Variants in DHX58 observed in about 807,000 individuals in gnomAD.
DHX58 encodes ATP-dependent RNA helicase DHX58.
DHX58 carries 51 observed loss-of-function variants against 65.0 expected under a neutral mutation model. The observed-to-expected ratio is 0.78, with a 90% CI of 0.63 to 0.99. DHX58 has a LOEUF of 0.99. Among genes scored for constraint, DHX58 ranks in the 50% least tolerant of loss-of-function variants. The pLI is 0.00. For synonymous variants in DHX58, 350 were observed against 365.0 expected (o/e 0.96, Z 0.47); for missense variants, 773 against 891.8 (o/e 0.87, Z 1.70).
rs2053980836 is a variant in DHX58, at chr17:42,101,758, T to C, written c.*3A>G. Reference sequence around the variant, plus strand: ...CAAACCGGGCACTGCAGCAATGAGGTGGTCAGTCCAGGGAGAGGTCCGACA... The same window carrying C: ...CAAACCGGGCACTGCAGCAATGAGGCGGTCAGTCCAGGGAGAGGTCCGACA... On this transcript the variant is annotated 3_prime_UTR_variant, in exon 14 of 14. Transcript: ENST00000251642. 1.2e-6 allele frequency: 2 copies of C among 1,613,458 alleles called. No individual in the cohort carries two copies. The highest frequency in any genetic ancestry group is 2.2e-5 in the South Asian group (2 of 91,062).
In DHX58 at chr17:42,107,779, AAGCCC is replaced by A; in HGVS notation, c.817_821del (p.Gly273SerfsTer15). On this transcript the variant is annotated frameshift_variant, in exon 8 of 14. Transcript: ENST00000251642. LOFTEE classifies it high-confidence loss of function. Reference sequence around the variant, plus strand: ...GAAGCGCATACACCCGTTGCTCCTGAAGCCCAGCCAAAGCCGCTGCGGGAAGAGGG... The same window carrying A: ...GAAGCGCATACACCCGTTGCTCCTGAAGCCAAAGCCGCTGCGGGAAGAGGG... 1 of 1,581,932 alleles carries A rather than the reference AAGCCC, an allele frequency of 6.3e-7. No homozygotes were observed. Among genetic ancestry groups the A allele is most frequent in the Non-Finnish European group, 8.6e-7 (1 of 1,163,138 alleles).
At chr17:42,102,056 TCA>T in intron 13 of DHX58, 110 bp from the exon 14 acceptor site, 1 of 1,448,426 alleles carries the variant, frequency 6.9e-7, no homozygotes, top group Non-Finnish European at 9.4e-7. Context: ...ACCTGAGATG[TCA>T]CAGACTGTGG....
intron 8 of DHX58, among the ~76,000 whole-genome samples, chr17:42,106,256 G>A (rs2054057727): frequency 7.4e-6 from 1 of 135,006 alleles, no homozygotes; most frequent in Non-Finnish European, 1.6e-5. Context: ...AAAAGGAAAA[G>A]AAAGAGAGAG....
At chr17:42,108,177 AC>A (rs1328099559) in intron 6 of DHX58, 69 bp from the exon 7 acceptor site, 2 of 1,607,416 alleles carry the variant, frequency 1.2e-6, no homozygotes, top group African/African-American at 2.7e-5. Flanking sequence ...GGGGGTGCTG[AC>A]CCCGGCGTGT....
At position 42,103,622 on chromosome 17, in the gene DHX58, C is replaced by T; in HGVS notation, c.1740G>A (p.Val580=). Residue 580 remains valine (V), a synonymous_variant, in exon 12 of 14, where the codon GTG becomes GTA. Coordinates refer to ENST00000251642, the MANE Select transcript of DHX58 (RefSeq NM_024119.3). ...RKVEGTHHVN[V]NPNFSNYYNV... ...ACAGGTCTCACGAGAAGTTGGGGTTCACATTGACATGGTGGGTGCCCTCCA... is the reference window on the plus strand; with the variant it reads ...ACAGGTCTCACGAGAAGTTGGGGTTTACATTGACATGGTGGGTGCCCTCCA... 6.2e-7 allele frequency: 1 copy of T among 1,614,076 alleles called. No homozygotes were observed. The highest frequency in any genetic ancestry group is 1.1e-5 in the South Asian group (1 of 91,080).
In DHX58 at chr17:42,108,942, C is replaced by T. The variant is rs550751537; in HGVS notation, c.678+328G>A. On this transcript the variant is annotated intron_variant, in intron 6 of 13. Transcript: ENST00000251642. ...CCTGACACCTAGTCCTTGTCCAGTC[C>T]AGTCATGGCAGACACGAGGCCGTGT... 1.8e-3 allele frequency among the ~76,000 whole-genome samples: 268 copies of T among 152,350 alleles called. 2 individuals are homozygous for T. Among genetic ancestry groups the T allele is most frequent in the African/African-American group, 5.9e-3 (247 of 41,590 alleles).
In DHX58 at chr17:42,105,040, G is replaced by A; in HGVS notation, c.1379C>T (p.Thr460Ile). 2 of 1,613,568 alleles carry A rather than the reference G, an allele frequency of 1.2e-6. No homozygotes were observed. Among genetic ancestry groups the A allele is most frequent in the Non-Finnish European group, 1.7e-6 (2 of 1,179,944 alleles). Residue 460 changes from threonine to isoleucine, a missense_variant, in exon 10 of 14, where the codon ACC becomes ATC. By Grantham distance (89) the Thr-to-Ile change is moderately conservative. Coordinates refer to ENST00000251642, the MANE Select transcript of DHX58 (RefSeq NM_024119.3). ...TACCTGGACCATGGAGATTTCATTG[G>A]TCAAGAGCCCATAACGCACCACCAC... is the stretch of plus-strand genomic sequence containing the variant. ...CNVVVRYGLLTNEISMVQARG... is the reference protein window; with the variant it reads ...CNVVVRYGLLINEISMVQARG...
In DHX58 at chr17:42,109,397, C is replaced by A; in HGVS notation, c.562-11G>T. ...CAAGTTGGCACAGAGCTGGGGGCAA[C>A]AGAGGACTTTACTGGAAAGGGAGGG... On this transcript the variant is annotated splice_polypyrimidine_tract_variant and intron_variant, in intron 5 of 13. Transcript: ENST00000251642. 6.2e-6 allele frequency: 10 copies of A among 1,610,770 alleles called. No individual in the cohort carries two copies. The highest frequency in any genetic ancestry group is 8.5e-6 in the Non-Finnish European group (10 of 1,177,852).
chr17:42,101,714 T>C lies in DHX58; in HGVS notation c.*47A>G. 1.9e-6 allele frequency: 3 copies of C among 1,594,242 alleles called. No individual in the cohort carries two copies. The highest frequency in any genetic ancestry group is 2.6e-6 in the Non-Finnish European group (3 of 1,166,612). On this transcript the variant is annotated 3_prime_UTR_variant, in exon 14 of 14. Coordinates refer to ENST00000251642, the MANE Select transcript of DHX58 (RefSeq NM_024119.3). ...GAGGGGCCTGGAGTCTGCTGCAGAC[T>C]CTCCCGCCCCCTACAGCCCAAACCG...
Position 42,101,496 on chromosome 17 carries a change from G to A in DHX58, c.*265C>T, listed in dbSNP as rs2053977203. 1 of 367,674 alleles carries A rather than the reference G, an allele frequency of 2.7e-6. No homozygotes were observed. Among genetic ancestry groups the A allele is most frequent in the Non-Finnish European group, 4.9e-6 (1 of 204,840 alleles). 22.8% of individuals were successfully genotyped at this position (367,674 alleles called of 1,614,324 possible). ...AAGGAATGTCGTGATTCTGAGTACA[G>A]TATGGCAAATTCTTTTGCCTCAGTT... On this transcript the variant is annotated 3_prime_UTR_variant, in exon 14 of 14. Transcript: ENST00000251642.
rs541648965 is a variant in DHX58, at chr17:42,107,456, T to C, written c.997+148A>G. The stretch of plus-strand genomic sequence containing the variant: ...TGAGGAAATAAATCAGTCCTACCCA[T>C]GGCCTTGGATTTTGGTTAGAAAAAT... On this transcript the variant is annotated intron_variant, in intron 8 of 13. Coordinates refer to ENST00000251642, the MANE Select transcript of DHX58 (RefSeq NM_024119.3). 1.4e-5 allele frequency: 12 copies of C among 861,900 alleles called. No homozygotes were observed. The Admixed American group carries it at 2.4e-4, about 17-fold the overall frequency. 53.4% of individuals were successfully genotyped at this position (861,900 alleles called of 1,614,324 possible).
rs1298192905 is a variant in DHX58 at position 42,111,217 on chromosome 17, G to A, written c.370+79C>T. ...CTCCCACTAAAACTCCCAACACCTTGACTCCAGGAGGTGCCCTGGGGTTGG... is the reference window on the plus strand; with the variant it reads ...CTCCCACTAAAACTCCCAACACCTTAACTCCAGGAGGTGCCCTGGGGTTGG... On this transcript the variant is annotated intron_variant, in intron 4 of 13. Coordinates refer to ENST00000251642, the MANE Select transcript of DHX58 (RefSeq NM_024119.3). The A allele has an allele frequency of 2.6e-6, 4 of 1,527,398 alleles. No homozygotes were observed. The African/African-American group carries it at 5.5e-5, about 21-fold the overall frequency. The allele number at this position is 1,527,398 out of a possible 1,614,324, so 94.6% of individuals were successfully genotyped here. A position where few individuals can be genotyped will look rare whatever the true frequency, so the allele number is the denominator to read the frequency against.
At chr17:42,107,471 G>A in intron 8 of DHX58, 133 bp downstream of exon 8, 2 of 1,071,098 alleles carry the variant, frequency 1.9e-6, no homozygotes, top group Middle Eastern at 3.2e-4. Context: ...TTGGATTTTG[G>A]TTAGAAAAAT....
At position 42,105,171 on chromosome 17, in the gene DHX58, C is replaced by T; in HGVS notation, c.1252-4G>A. 1 of 1,607,792 alleles carries T rather than the reference C, an allele frequency of 6.2e-7. No individual in the cohort carries two copies. The highest frequency in any genetic ancestry group is 8.5e-7 in the Non-Finnish European group (1 of 1,176,566). On this transcript the variant is annotated splice_polypyrimidine_tract_variant and splice_region_variant and intron_variant, in intron 9 of 13. Transcript: ENST00000251642. ...GGATCACTTCTTGCTGGTCCCTCTGCAGGCGGAGGGCAGGGAGGAGAAAGA... is the reference window on the plus strand; with the variant it reads ...GGATCACTTCTTGCTGGTCCCTCTGTAGGCGGAGGGCAGGGAGGAGAAAGA...
intron 8 of DHX58, among the ~76,000 whole-genome samples, chr17:42,106,314 G>C (rs1157127812): frequency 8.1e-6 from 1 of 122,972 alleles, no homozygotes; most frequent in Non-Finnish European, 1.6e-5. Flanking sequence ...GGGAGGGAGG[G>C]AGGGAAAGAA....
chr17:42,102,501 T>G (rs1325036378), intron 12 of DHX58, 189 bp from the exon 13 acceptor site: 2 of 574,534 alleles, frequency 3.5e-6, no homozygotes, highest in Non-Finnish European at 6.2e-6. Flanking sequence ...CACGTTCCCT[T>G]GTGCCCAGGT....
At chr17:42,105,339 T>C (rs1268315870) in intron 9 of DHX58, among the ~76,000 whole-genome samples, 172 bp from the exon 10 acceptor site, 1 of 151,974 alleles carries the variant, frequency 6.6e-6, no homozygotes, top group Non-Finnish European at 1.5e-5. Context: ...ATCTTGCCCA[T>C]CTTCCCAGGT....
chr17:42,111,264 C>A, intron 4 of DHX58, 32 bp downstream of exon 4: 2 of 1,599,340 alleles, frequency 1.3e-6, no homozygotes, highest in Non-Finnish European at 1.7e-6. Context: ...ACCCCAGATG[C>A]GTATCTTTTT....
In DHX58 at chr17:42,111,295, C is replaced by T. The variant is rs782449223; in HGVS notation, c.370+1G>A. ...TTTTTCCTCCCGGCCATGGCCCTCA[C>T]CAGTGAGCTCCACGTGCTCCTCCTC... On this transcript the variant is annotated splice_donor_variant, in intron 4 of 13. Coordinates refer to ENST00000251642, the MANE Select transcript of DHX58 (RefSeq NM_024119.3). LOFTEE classifies it high-confidence loss of function. 1 of 1,611,330 alleles carries T rather than the reference C, an allele frequency of 6.2e-7. No individual in the cohort carries two copies. Among genetic ancestry groups the T allele is most frequent in the Non-Finnish European group, 8.5e-7 (1 of 1,177,742 alleles).
Sources: gnomAD v4.1 joint callset for allele counts (sites outside exome capture counted in the v4.1 genomes callset) on GRCh38, gnomAD v4.1.1 for gene constraint, MANE v1.5 for transcripts, NCBI Gene and HGNC (gene_info 2026-07-23, HGNC 2026-07-21) for gene names.